Variants in PPP2R5E observed in about 807,000 individuals in gnomAD.
PPP2R5E encodes protein phosphatase 2 regulatory subunit B'epsilon.
In PPP2R5E, 4 loss-of-function variants were observed where a neutral mutation model predicts 65.3. The ratio of observed to expected loss-of-function variants is 0.06; its 90% CI spans 0.03 to 0.14. The LOEUF (loss-of-function observed/expected upper bound fraction) is 0.14, where lower values mean the gene tolerates loss of function less well. PPP2R5E is among the 10% of genes least tolerant of loss of function. PPP2R5E has a pLI of 1.00. For synonymous variants in PPP2R5E, 183 were observed against 187.4 expected (o/e 0.98, Z 0.19); for missense variants, 274 against 556.1 (o/e 0.49, Z 5.10).
At chr14:63,432,699 A>G (rs1566698420) in intron 3 of PPP2R5E, among the ~76,000 whole-genome samples, 1 of 152,166 alleles carries the variant, frequency 6.6e-6, no homozygotes, top group East Asian at 1.9e-4. Flanking sequence ...AGAAAGAAAG[A>G]TTCAAGGGAA....
chr14:63,466,273 C>CAAAAAAAA (rs550383242), intron 2 of PPP2R5E, among the ~76,000 whole-genome samples: 2 of 118,286 alleles, frequency 1.7e-5, no homozygotes, highest in East Asian at 2.5e-4. Flanking sequence ...TTTAAAAATA[C>CAAAAAAAA]AAAAAAAAAA....
chr14:63,459,043 C>T (rs934265488), intron 2 of PPP2R5E, among the ~76,000 whole-genome samples: 6 of 152,148 alleles, frequency 3.9e-5, no homozygotes, highest in East Asian at 1.9e-4. Context: ...CTGTCCTTCA[C>T]GGGCAACTCT....
chr14:63,459,206 T>G (rs1000591117), intron 2 of PPP2R5E, among the ~76,000 whole-genome samples: 1 of 152,214 alleles, frequency 6.6e-6, no homozygotes, highest in Non-Finnish European at 1.5e-5. Context: ...TGAGCCGTGA[T>G]AGACTGAAGC....
intron 5 of PPP2R5E, among the ~76,000 whole-genome samples, chr14:63,397,814 C>T (rs563130108): frequency 6.6e-6 from 1 of 151,572 alleles, no homozygotes; most frequent in African/African-American, 2.4e-5. Context: ...ACCTCCGCCT[C>T]CTGTGTTCAA....
chr14:63,472,638 A>C (rs1162214940), intron 2 of PPP2R5E, among the ~76,000 whole-genome samples: 1 of 152,264 alleles, frequency 6.6e-6, no homozygotes, highest in African/African-American at 2.4e-5. Flanking sequence ...ACAGAAAGGA[A>C]GCATGAATAG....
chr14:63,514,460 C>T (rs1892583966), intron 2 of PPP2R5E, among the ~76,000 whole-genome samples: 1 of 120,368 alleles, frequency 8.3e-6, no homozygotes, highest in African/African-American at 4.5e-5. Context: ...ACCTTTAAAA[C>T]TATGTTTATT....
At position 63,446,098 on chromosome 14, in the gene PPP2R5E, C is replaced by G. The variant is rs532246935; in HGVS notation, c.354+7591G>C. ...TGATTCCCTCTCAAGAAACCACTTT[C>G]TTTGCTCATCCATAAGAAGCAACTC... On this transcript the variant is annotated intron_variant, in intron 3 of 13. Transcript: ENST00000337537. Among the ~76,000 whole-genome samples the G allele has an allele frequency of 6.4e-4, 97 of 152,326 alleles. 1 individual carries two copies. The highest frequency in any genetic ancestry group is 2.3e-3 in the African/African-American group (95 of 41,574).
chr14:63,470,026 T>A (rs1177225897), intron 2 of PPP2R5E, among the ~76,000 whole-genome samples: 1 of 151,982 alleles, frequency 6.6e-6, no homozygotes, highest in South Asian at 2.1e-4. Flanking sequence ...AGTAGGATTA[T>A]AAAGAATAAA....
In PPP2R5E at chr14:63,371,449, T is replaced by G. The variant is rs1290701433; in HGVS notation, c.*4560A>C. On this transcript the variant is annotated 3_prime_UTR_variant, in exon 14 of 14. Transcript: ENST00000337537. ...GAAAGGGGAAGGTTACATTTCTTTTTGGGGAGCACCTTCATTTTTGTTTCT... is the reference window on the plus strand; with the variant it reads ...GAAAGGGGAAGGTTACATTTCTTTTGGGGGAGCACCTTCATTTTTGTTTCT... 1 of 152,220 alleles carries G rather than the reference T, an allele frequency of 6.6e-6. No individual in the cohort carries two copies. Among genetic ancestry groups the G allele is most frequent in the Non-Finnish European group, 1.5e-5 (1 of 68,036 alleles). 9.4% of individuals were successfully genotyped at this position (152,220 alleles called of 1,614,324 possible).
Position 63,391,959 on chromosome 14 carries a change from A to T in PPP2R5E, c.903+13T>A. On this transcript the variant is annotated intron_variant, in intron 9 of 13. Transcript: ENST00000337537. ...TTTTCTTAAGTTTTTGAAATTATGGAAAAAAGACTTACTGGTTCTGTGAGT... is the reference window on the plus strand; with the variant it reads ...TTTTCTTAAGTTTTTGAAATTATGGTAAAAAGACTTACTGGTTCTGTGAGT... The T allele has an allele frequency of 1.9e-6, 3 of 1,609,498 alleles. No individual in the cohort carries two copies. The highest frequency in any genetic ancestry group is 2.5e-6 in the Non-Finnish European group (3 of 1,177,070).
intron 3 of PPP2R5E, among the ~76,000 whole-genome samples, chr14:63,447,917 G>A (rs926744650): frequency 3.9e-5 from 6 of 152,158 alleles, no homozygotes; most frequent in African/African-American, 7.2e-5. Flanking sequence ...AGGAACAACC[G>A]CTCAGCAGAG....
At chr14:63,445,015 G>A (rs1223625357) in intron 3 of PPP2R5E, among the ~76,000 whole-genome samples, 6 of 152,200 alleles carry the variant, frequency 3.9e-5, no homozygotes, top group Admixed American at 3.9e-4. Flanking sequence ...CAAAAGAGGT[G>A]TTAGTTTTCA....
At chr14:63,432,268 T>C (rs1386319189) in intron 3 of PPP2R5E, among the ~76,000 whole-genome samples, 1 of 152,054 alleles carries the variant, frequency 6.6e-6, no homozygotes, top group Admixed American at 6.5e-5. Flanking sequence ...ACTGTTTTCA[T>C]TGTTATTGCT....
At chr14:63,542,415 C>T (rs1055168121) in intron 1 of PPP2R5E, among the ~76,000 whole-genome samples, 7 of 152,106 alleles carry the variant, frequency 4.6e-5, no homozygotes, top group African/African-American at 1.7e-4. Context: ...CTTACATACT[C>T]CCTTTGCTCC....
rs139010397 is a variant in PPP2R5E at position 63,428,388 on chromosome 14, A to G, written c.355-6294T>C. 5.6e-3 allele frequency among the ~76,000 whole-genome samples: 851 copies of G among 152,354 alleles called. 6 individuals are homozygous for G. The highest frequency in any genetic ancestry group is 0.02 in the African/African-American group (827 of 41,584). ...GATAAACGACAAATAATTTTTCAGT[A>G]TAAGTTCGTCCCATGCAATATTTGG... On this transcript the variant is annotated intron_variant, in intron 3 of 13. Transcript: ENST00000337537.
chr14:63,433,028 T>TTTTG lies in PPP2R5E; in HGVS notation c.355-10938_355-10935dup, dbSNP rs1393441226. Among the ~76,000 whole-genome samples, 259 of 138,186 alleles carry TTTTG rather than the reference T, an allele frequency of 1.9e-3. 7 individuals carry two copies. The highest frequency in any genetic ancestry group is 6.3e-3 in the African/African-American group (207 of 33,082). The allele number at this position is 138,186 out of a possible 152,430, so 90.7% of individuals were successfully genotyped here. A position where few individuals can be genotyped will look rare whatever the true frequency, so the allele number is the denominator to read the frequency against. On this transcript the variant is annotated intron_variant, in intron 3 of 13. Transcript: ENST00000337537. ...ACATACAGTTTTGTTTTTTGTTTTG[T>TTTTG]TTTGTTTTTTTTTTTTTTTTTTTTT...
chr14:63,504,893 T>C (rs962952488), intron 2 of PPP2R5E, among the ~76,000 whole-genome samples: 3 of 152,218 alleles, frequency 2.0e-5, no homozygotes, highest in African/African-American at 7.2e-5. Context: ...AATGAATGAA[T>C]GATACCATGC....
In PPP2R5E at chr14:63,397,366, G is replaced by A. The variant is rs944190323; in HGVS notation, c.550-650C>T. ...AAAATACAAAAATTAGCCAGGTGTG[G>A]TGGCGGGCACCTGTAATCCCAGCTA... On this transcript the variant is annotated intron_variant, in intron 5 of 13. Transcript: ENST00000337537. Among the ~76,000 whole-genome samples, 7 of 152,136 alleles carry A rather than the reference G, an allele frequency of 4.6e-5. No individual in the cohort carries two copies. The East Asian group carries it at 1.4e-3, about 30-fold the overall frequency.
chr14:63,518,856 A>C (rs1055631701), intron 2 of PPP2R5E, among the ~76,000 whole-genome samples: 2 of 152,180 alleles, frequency 1.3e-5, no homozygotes, highest in Non-Finnish European at 2.9e-5. Flanking sequence ...CAGAGTAGCC[A>C]TTCTTTTATT....
Sources: gnomAD v4.1 joint callset for allele counts (sites outside exome capture counted in the v4.1 genomes callset) on GRCh38, gnomAD v4.1.1 for gene constraint, MANE v1.5 for transcripts, NCBI Gene and HGNC (gene_info 2026-07-23, HGNC 2026-07-21) for gene names.